The following TSHZ1 variants were observed in gnomAD, a reference collection of about 807,000 sequenced individuals.
TSHZ1 encodes the protein teashirt homolog 1.
A neutral mutation model predicts 67.1 loss-of-function variants in TSHZ1; 12 were observed. The ratio of observed to expected loss-of-function variants is 0.18; its 90% confidence interval spans 0.11 to 0.29. The LOEUF is 0.29. TSHZ1 is among the 10% of genes least tolerant of loss of function. The pLI is 1.00. For synonymous variants in TSHZ1, 632 were observed against 622.4 expected, an observed-to-expected ratio of 1.02 and a Z score of -0.23; for missense variants, 1,305 against 1,413.9, an observed-to-expected ratio of 0.92 and a Z score of 1.23.
At position 75,287,778 on chromosome 18, in the gene TSHZ1, C is replaced by G; in HGVS notation, c.2371C>G (p.Pro791Ala). Reference protein sequence around the residue: ...MLDKPVYPATPVKQADAIDRY... With the variant: ...MLDKPVYPATAVKQADAIDRY... ...GGACAAGCCGGTGTACCCCGCCACC[C>G]CTGTGAAGCAGGCCGATGCCATCGA... The change falls in exon 2 of 2, where the codon CCT (proline) becomes GCT (alanine). Residue 791 changes from proline to alanine, a missense_variant. Pro to Ala is a conservative substitution (Grantham distance 27, BLOSUM62 -1). This residue lies in a region of TSHZ1 where 909 missense variants were observed against 961.8 expected (regional missense o/e 0.95). Coordinates refer to ENST00000580243, the MANE Select transcript of TSHZ1 (RefSeq NM_001308210.2). The surrounding 1 kb of genome is among the most constrained non-coding windows in gnomAD (Gnocchi z 5.0). 8 of 1,614,208 alleles carry G rather than the reference C, an allele frequency of 5.0e-6. No individual in the cohort carries two copies. The highest frequency in any genetic ancestry group is 6.8e-6 in the Non-Finnish European group (8 of 1,180,044).
chr18:75,230,664 G>A (rs1055785534), intron 1 of TSHZ1, among the ~76,000 whole-genome samples: 2 of 152,168 alleles, frequency 1.3e-5, no homozygotes, highest in Admixed American at 6.5e-5. Context: ...CCACACGCAG[G>A]TATGACCTTA....
At position 75,285,498 on chromosome 18, in the gene TSHZ1, G is replaced by C; in HGVS notation, c.91G>C (p.Val31Leu). ...GGCAGCAGAAATAGATGAAGAGCAC[G>C]TGGAGGATGACGGGCTGTCTTTGGA... is the stretch of plus-strand genomic sequence containing the variant. ...LKAAEIDEEH[V>L]EDDGLSLDIQ... Residue 31 changes from valine (V) to leucine (L), a missense_variant, in exon 2 of 2, where the codon GTG (valine) becomes CTG (leucine). Transcript: ENST00000580243. 6.6e-7 allele frequency: 1 copy of C among 1,526,414 alleles called. No individual in the cohort carries two copies. The highest frequency in any genetic ancestry group is 8.8e-7 in the Non-Finnish European group (1 of 1,134,022). 94.6% of individuals were successfully genotyped at this position (1,526,414 alleles called of 1,614,324 possible).
At chr18:75,269,814 A>T (rs1407926562) in intron 1 of TSHZ1, among the ~76,000 whole-genome samples, 4 of 152,064 alleles carry the variant, frequency 2.6e-5, no homozygotes, top group African/African-American at 4.8e-5. Context: ...CCTCGTTCCC[A>T]GCCCCCCTGG....
rs757273037 is a variant in TSHZ1 at position 75,287,512 on chromosome 18, C to T, written c.2105C>T (p.Ala702Val). ...GGCCCTGAGGCCGAGACTGGGAAGG[C>T]CAAAAAGGAGGGACCGCTGGACGTT... The part of the protein sequence containing the change: ...KKGPEAETGK[A>V]KKEGPLDVHT... Residue 702 changes from alanine to valine, a missense_variant, in exon 2 of 2, where the codon GCC becomes GTC. Physicochemically the swap from Ala to Val is moderately conservative, Grantham distance 64. This residue lies in a region of TSHZ1 where 909 missense variants were observed against 961.8 expected (regional missense o/e 0.95). Coordinates refer to ENST00000580243, the MANE Select transcript of TSHZ1 (RefSeq NM_001308210.2). The surrounding 1 kb of genome is among the most constrained non-coding windows in gnomAD (Gnocchi z 5.0). The T allele has an allele frequency of 1.6e-5, 26 of 1,614,080 alleles. No homozygotes were observed. Among genetic ancestry groups the T allele is most frequent in the South Asian group, 7.7e-5 (7 of 91,078 alleles).
Position 75,281,630 on chromosome 18 carries a change from G to T in TSHZ1, c.41-3818G>T, listed in dbSNP as rs1432890464. Among the ~76,000 whole-genome samples the T allele has an allele frequency of 6.6e-6, 1 of 152,120 alleles. No homozygotes were observed. The highest frequency in any genetic ancestry group is 1.9e-4 in the East Asian group (1 of 5,170). On this transcript the variant is annotated intron_variant, in intron 1 of 1. Coordinates refer to ENST00000580243, the MANE Select transcript of TSHZ1 (RefSeq NM_001308210.2). The surrounding 1 kb of genome is among the most constrained non-coding windows in gnomAD (Gnocchi z 5.3). ...TGGGGTTGTGGAGAAGGTGAGATTG[G>T]CCAGAGAGAGGCTGCAGTAAGAACG...
chr18:75,278,558 G>A (rs1257859500), intron 1 of TSHZ1, among the ~76,000 whole-genome samples: 4 of 152,166 alleles, frequency 2.6e-5, no homozygotes, highest in African/African-American at 9.7e-5. Flanking sequence ...AGTTTTGGAA[G>A]GGTACGGGCC....
chr18:75,254,696 A>G (rs2023342805), intron 1 of TSHZ1, among the ~76,000 whole-genome samples: 1 of 152,200 alleles, frequency 6.6e-6, no homozygotes, highest in South Asian at 2.1e-4. Context: ...GCAAAATAAT[A>G]AATAATATGA....
intron 1 of TSHZ1, among the ~76,000 whole-genome samples, chr18:75,237,161 G>A (rs140852425): frequency 6.6e-6 from 1 of 152,286 alleles, no homozygotes; most frequent in African/African-American, 2.4e-5. Flanking sequence ...ACTGAGAGTT[G>A]CGTGTCAGGG....
intron 1 of TSHZ1, among the ~76,000 whole-genome samples, chr18:75,250,573 C>T (rs978394359): frequency 5.3e-5 from 8 of 152,162 alleles, no homozygotes; most frequent in African/African-American, 1.7e-4. Context: ...GGTAGAGGGT[C>T]GGCTCAGCCA....
chr18:75,261,110 G>A (rs1255453915), intron 1 of TSHZ1, among the ~76,000 whole-genome samples: 6 of 151,862 alleles, frequency 4.0e-5, no homozygotes, highest in Admixed American at 1.3e-4. Context: ...CCAGTTCCGC[G>A]ATGTACCCGG....
chr18:75,218,924 ATT>A (rs11345099), intron 1 of TSHZ1, among the ~76,000 whole-genome samples: 3 of 150,902 alleles, frequency 2.0e-5, no homozygotes, highest in African/African-American at 7.3e-5. Context: ...GAACATGTAT[ATT>A]TTTTTTTTAC....
At chr18:75,224,330 G>A (rs965825913) in intron 1 of TSHZ1, among the ~76,000 whole-genome samples, 2 of 152,076 alleles carry the variant, frequency 1.3e-5, no homozygotes, top group Non-Finnish European at 2.9e-5. Context: ...ATTTCGCATC[G>A]TGAAACCCAG....
At chr18:75,242,231 A>G (rs896975273) in intron 1 of TSHZ1, among the ~76,000 whole-genome samples, 2 of 152,170 alleles carry the variant, frequency 1.3e-5, no homozygotes, top group Admixed American at 6.5e-5. Context: ...TGGATAACCC[A>G]TAGTTATCAT....
Position 75,268,323 on chromosome 18 carries a change from T to C in TSHZ1, c.41-17125T>C, listed in dbSNP as rs142389508. Among the ~76,000 whole-genome samples the C allele has an allele frequency of 2.4e-3, 373 of 152,312 alleles. 2 individuals are homozygous for C. The highest frequency in any genetic ancestry group is 8.7e-3 in the African/African-American group (361 of 41,564). On this transcript the variant is annotated intron_variant, in intron 1 of 1. Transcript: ENST00000580243. ...TACCATAATTGGCTTTTCTACATGA[T>C]AGGAGAGAGGAAATAATAATGTCAT...
chr18:75,231,588 G>A (rs2022999382), intron 1 of TSHZ1, among the ~76,000 whole-genome samples: 1 of 152,098 alleles, frequency 6.6e-6, no homozygotes, highest in Admixed American at 6.5e-5. Flanking sequence ...AGGCTGGAGT[G>A]CAGTGGTATG....
Position 75,288,742 on chromosome 18 carries a change from G to GC in TSHZ1, c.*104dup. Reference sequence around the variant, plus strand: ...GAAATCAGTCTTTCCTTTGTTGCTGGCCCGCCTCTCTGGACCTTGGTTTTC... The same window carrying GC: ...GAAATCAGTCTTTCCTTTGTTGCTGGCCCCGCCTCTCTGGACCTTGGTTTTC... On this transcript the variant is annotated 3_prime_UTR_variant, in exon 2 of 2. Coordinates refer to ENST00000580243, the MANE Select transcript of TSHZ1 (RefSeq NM_001308210.2). The surrounding 1 kb of genome is among the most constrained non-coding windows in gnomAD (Gnocchi z 4.9). 2 of 1,490,532 alleles carry GC rather than the reference G, an allele frequency of 1.3e-6. No homozygotes were observed. Among genetic ancestry groups the GC allele is most frequent in the Non-Finnish European group, 1.8e-6 (2 of 1,123,192 alleles). 92.3% of individuals were successfully genotyped at this position (1,490,532 alleles called of 1,614,324 possible).
intron 1 of TSHZ1, among the ~76,000 whole-genome samples, chr18:75,265,397 A>G (rs954493194): frequency 6.6e-6 from 1 of 152,178 alleles, no homozygotes; most frequent in Non-Finnish European, 1.5e-5. Flanking sequence ...TGCCTGACCC[A>G]TTTTAGCAAC....
At chr18:75,267,855 A>G (rs1320356922) in intron 1 of TSHZ1, among the ~76,000 whole-genome samples, 3 of 152,228 alleles carry the variant, frequency 2.0e-5, no homozygotes, top group African/African-American at 7.2e-5. Flanking sequence ...CAGGGCAGAC[A>G]GCACTACACC....
At position 75,285,459 on chromosome 18, in the gene TSHZ1, G is replaced by T; in HGVS notation, c.52G>T (p.Glu18Ter). ...TTTTTCTCTCCTAGCTTATGTTCCTGAGGAAGAATTGAAGGCAGCAGAAAT... is the reference window on the plus strand; with the variant it reads ...TTTTTCTCTCCTAGCTTATGTTCCTTAGGAAGAATTGAAGGCAGCAGAAAT... Reference protein sequence around the residue: ...APRRSAAYVPEEELKAAEIDE... With the variant: ...APRRSAAYVP Residue 18 changes from glutamate to a stop codon, truncating the protein, a stop_gained, in exon 2 of 2, where the codon GAG (glutamate) becomes TAG (stop). Coordinates refer to ENST00000580243, the MANE Select transcript of TSHZ1 (RefSeq NM_001308210.2). LOFTEE classifies it high-confidence loss of function. 1 of 1,487,050 alleles carries T rather than the reference G, an allele frequency of 6.7e-7. No individual in the cohort carries two copies. The highest frequency in any genetic ancestry group is 2.3e-5 in the East Asian group (1 of 42,876). The allele number at this position is 1,487,050 out of a possible 1,614,324, so 92.1% of individuals were successfully genotyped here. A position where few individuals can be genotyped will look rare whatever the true frequency, so the allele number is the denominator to read the frequency against.
Sources: allele counts gnomAD v4.1 joint callset (sites outside exome capture counted in the v4.1 genomes callset), GRCh38; gene constraint gnomAD v4.1.1; regional missense constraint gnomAD v4.1.1; non-coding constraint Gnocchi (gnomAD v3.1); transcripts MANE v1.5; gene names NCBI Gene and HGNC (gene_info 2026-07-23, HGNC 2026-07-21).